Variants in RAI1 observed in about 807,000 individuals in gnomAD.
The protein encoded by RAI1 is retinoic acid-induced protein 1.
In RAI1, 9 loss-of-function variants were observed where a neutral mutation model predicts 123.8. The observed-to-expected ratio is 0.07, with a 90% CI of 0.04 to 0.13. The LOEUF is 0.13. Among genes scored for constraint, RAI1 ranks in the 10% least tolerant of loss-of-function variants. The pLI is 1.00. For synonymous variants in RAI1, 1,231 were observed against 1,127.3 expected, an observed-to-expected ratio of 1.09 and a Z score of -1.84; for missense variants, 2,256 against 2,545.8, an observed-to-expected ratio of 0.89 and a Z score of 2.45.
Position 17,684,734 on chromosome 17 carries a change from C to A in RAI1, c.-149+2941C>A, listed in dbSNP as rs533926336. ...TATGTATGTATGTATATTACATATA[C>A]CAATCCATGCATAGTTTTCTTTTTC... On this transcript the variant is annotated intron_variant, in intron 1 of 5. Transcript: ENST00000353383. The A allele has an allele frequency of 6.5e-5, 9 of 139,174 alleles. No homozygotes were observed. The East Asian group carries it at 2.0e-3, about 30-fold the overall frequency. The allele number at this position is 139,174 out of a possible 1,614,324, so 8.6% of individuals were successfully genotyped here. A position where few individuals can be genotyped will look rare whatever the true frequency, so the allele number is the denominator to read the frequency against.
chr17:17,809,306 G>A lies in RAI1; in HGVS notation c.5660-84G>A, dbSNP rs970167091. On this transcript the variant is annotated intron_variant, in intron 4 of 5. Coordinates refer to ENST00000353383, the MANE Select transcript of RAI1 (RefSeq NM_030665.4). The surrounding 1 kb of genome is among the most constrained non-coding windows in gnomAD (Gnocchi z 4.9). ...AGTCTGGAGCCTCGCGGGCAGTGCG[G>A]CTCCCCTCCTGGCTGCAGACAAAAC... The A allele has an allele frequency of 2.4e-5, 30 of 1,228,548 alleles. No homozygotes were observed. Among genetic ancestry groups the A allele is most frequent in the Non-Finnish European group, 3.5e-5 (29 of 829,884 alleles). The allele number at this position is 1,228,548 out of a possible 1,614,324, so 76.1% of individuals were successfully genotyped here. A position where few individuals can be genotyped will look rare whatever the true frequency, so the allele number is the denominator to read the frequency against.
chr17:17,763,122 C>T (rs1254028772), intron 2 of RAI1, among the ~76,000 whole-genome samples: 4 of 152,136 alleles, frequency 2.6e-5, no homozygotes, highest in African/African-American at 4.8e-5. Flanking sequence ...TTGGCAACAC[C>T]GTTTCCCCCA....
intron 1 of RAI1, among the ~76,000 whole-genome samples, chr17:17,717,516 C>T (rs772497531): frequency 9.2e-5 from 14 of 152,138 alleles, no homozygotes; most frequent in Non-Finnish European, 1.6e-4. Flanking sequence ...CCTCAGGCAC[C>T]CTCTGGTGCC....
chr17:17,705,049 A>T (rs915133877), intron 1 of RAI1, among the ~76,000 whole-genome samples: 1 of 152,134 alleles, frequency 6.6e-6, no homozygotes. Context: ...ACCCCAGTGG[A>T]TGGTAGTGTG....
intron 4 of RAI1, among the ~76,000 whole-genome samples, chr17:17,805,032 T>G (rs2032568774): frequency 6.6e-6 from 1 of 151,974 alleles, no homozygotes; most frequent in South Asian, 2.1e-4. Flanking sequence ...TCAGCTAATT[T>G]TTGTATTTTT....
At chr17:17,726,760 G>A (rs1018187152) in intron 2 of RAI1, among the ~76,000 whole-genome samples, 1 of 152,068 alleles carries the variant, frequency 6.6e-6, no homozygotes, top group Non-Finnish European at 1.5e-5. Context: ...GTTATTGACA[G>A]TCTTAGAGGG....
At chr17:17,770,689 G>C (rs2031121004) in intron 2 of RAI1, 1 of 152,226 alleles carries the variant, frequency 6.6e-6, no homozygotes. Context: ...GGGGAGCCAG[G>C]CCCAAGGACG....
chr17:17,764,589 C>T (rs1363110752), intron 2 of RAI1, among the ~76,000 whole-genome samples: 2 of 151,958 alleles, frequency 1.3e-5, no homozygotes, highest in African/African-American at 2.4e-5. Context: ...TCTCGTGCCT[C>T]GGCCTCACAA....
chr17:17,752,161 C>A (rs2030201953), intron 2 of RAI1, among the ~76,000 whole-genome samples: 1 of 152,018 alleles, frequency 6.6e-6, no homozygotes, highest in South Asian at 2.1e-4. Flanking sequence ...GCAGGAGCCT[C>A]CCGCCCGGCA....
At chr17:17,756,385 C>G (rs566303290) in intron 2 of RAI1, among the ~76,000 whole-genome samples, 1 of 151,902 alleles carries the variant, frequency 6.6e-6, no homozygotes, top group African/African-American at 2.4e-5. Context: ...TTATTAGAGA[C>G]AGGGTTTCTC....
At position 17,796,539 on chromosome 17, in the gene RAI1, C is replaced by G. The variant is rs1472507340; in HGVS notation, c.3591C>G (p.Gly1197=). The G allele has an allele frequency of 6.2e-7, 1 of 1,611,058 alleles. No individual in the cohort carries two copies. The highest frequency in any genetic ancestry group is 1.7e-5 in the Admixed American group (1 of 60,028). Residue 1197 remains glycine (G), a synonymous_variant, in exon 3 of 6, where the codon GGC becomes GGG. Coordinates refer to ENST00000353383, the MANE Select transcript of RAI1 (RefSeq NM_030665.4). This position sits in a 1 kb window ranked among gnomAD's most constrained non-coding sequence, Gnocchi z 5.8. The part of the protein sequence containing the change: ...FKVSSSPQKE[G]RVSQRARVPK... The stretch of plus-strand genomic sequence containing the variant: ...TCTCCAGCAGCCCCCAGAAGGAGGG[C>G]AGGGTGAGCCAGCGGGCAAGGGTCC...
intron 2 of RAI1, among the ~76,000 whole-genome samples, chr17:17,751,797 A>G (rs1308927472): frequency 1.3e-5 from 2 of 151,970 alleles, no homozygotes; most frequent in Non-Finnish European, 2.9e-5. Context: ...ATTTAAAACT[A>G]CGAACCTAGT....
chr17:17,753,455 C>G (rs556004391), intron 2 of RAI1, among the ~76,000 whole-genome samples: 1 of 152,220 alleles, frequency 6.6e-6, no homozygotes, highest in African/African-American at 2.4e-5. Context: ...ATCGGCTTCA[C>G]GGTTATACAT....
chr17:17,791,494 T>C (rs2032011967), intron 2 of RAI1, among the ~76,000 whole-genome samples: 3 of 152,046 alleles, frequency 2.0e-5, no homozygotes, highest in Admixed American at 1.3e-4. Context: ...TGTCCCTTCC[T>C]GACCCCTTCA....
chr17:17,791,687 G>A (rs967551400), intron 2 of RAI1, among the ~76,000 whole-genome samples: 5 of 152,176 alleles, frequency 3.3e-5, no homozygotes, highest in East Asian at 1.9e-4. Context: ...TCTGGGACTC[G>A]GCCAATGGCC....
rs940046237 is a variant in RAI1 at position 17,764,274 on chromosome 17, G to A, written c.-16-28659G>A. Among the ~76,000 whole-genome samples the A allele has an allele frequency of 2.6e-5, 4 of 152,152 alleles. No individual in the cohort carries two copies. The South Asian group carries it at 8.3e-4, about 32-fold the overall frequency. ...TTGACTTGCATACAGAGAAGAGCAC[G>A]AATCATAGGTGGACAGCTGATGAAT... On this transcript the variant is annotated intron_variant, in intron 2 of 5. Transcript: ENST00000353383.
At chr17:17,734,376 C>G (rs974149039) in intron 2 of RAI1, among the ~76,000 whole-genome samples, 4 of 151,880 alleles carry the variant, frequency 2.6e-5, no homozygotes. Context: ...CCCGGGAGGT[C>G]AAGGCTGCCA....
intron 1 of RAI1, among the ~76,000 whole-genome samples, chr17:17,698,104 G>C (rs1368159164): frequency 6.6e-6 from 1 of 152,110 alleles, no homozygotes; most frequent in Non-Finnish European, 1.5e-5. Context: ...AGGTGGTCCA[G>C]GCCCACAGCC....
At chr17:17,762,286 G>T (rs2030735256) in intron 2 of RAI1, among the ~76,000 whole-genome samples, 1 of 152,160 alleles carries the variant, frequency 6.6e-6, no homozygotes, top group Non-Finnish European at 1.5e-5. Context: ...AGAAGACCCA[G>T]GAGGATGGCG....
Sources: gnomAD v4.1 joint callset for allele counts (sites outside exome capture counted in the v4.1 genomes callset) on GRCh38, gnomAD v4.1.1 for gene constraint, Gnocchi (gnomAD v3.1) non-coding constraint, MANE v1.5 for transcripts, NCBI Gene and HGNC (gene_info 2026-07-23, HGNC 2026-07-21) for gene names.